Variants in THPO observed in about 807,000 individuals in gnomAD.
THPO encodes the protein MPL ligand.
In THPO, 12 loss-of-function variants were observed where a neutral mutation model predicts 17.0. The observed-to-expected ratio is 0.71, with a 90% CI of 0.45 to 1.14. The LOEUF is 1.14. Ranked by LOEUF, THPO falls within the 50% of genes most tolerant of loss-of-function variation. The pLI is 0.00. For missense variants in THPO, 365 were observed against 427.5 expected (o/e 0.85, Z 1.29); for synonymous variants, 188 against 183.0 (o/e 1.03, Z -0.22).
Position 184,373,452 on chromosome 3 carries a change from A to G in THPO, c.359T>C (p.Leu120Pro). Residue 120 changes from leucine (L) to proline (P), a missense_variant, in exon 5 of 6, where the codon CTC (leucine) becomes CCC (proline). Transcript: ENST00000647395. The part of the protein sequence containing the change: ...LLGQLSGQVR[L>P]LLGALQSLLG... ...GAGGCTCTGCAGGGCCCCAAGGAGGAGACGGACCTGTCCAGAAAGCTGCCC... is the reference window on the plus strand; with the variant it reads ...GAGGCTCTGCAGGGCCCCAAGGAGGGGACGGACCTGTCCAGAAAGCTGCCC... 3 of 1,614,048 alleles carry G rather than the reference A, an allele frequency of 1.9e-6. No individual in the cohort carries two copies. The highest frequency in any genetic ancestry group is 1.7e-6 in the Non-Finnish European group (2 of 1,180,008).
chr3:184,378,768 G>A (rs181335871), upstream of THPO: 286 of 983,138 alleles, frequency 2.9e-4, 1 homozygote, highest in African/African-American at 4.5e-3. Context: ...TTAGGTGCTC[G>A]TCTGCTGGGG....
rs1413221221 is a variant in THPO, at chr3:184,372,421, T to C, written c.*92A>G. 1 of 1,495,426 alleles carries C rather than the reference T, an allele frequency of 6.7e-7. No individual in the cohort carries two copies. Among genetic ancestry groups the C allele is most frequent in the East Asian group, 2.3e-5 (1 of 44,290 alleles). The allele number at this position is 1,495,426 out of a possible 1,614,324, so 92.6% of individuals were successfully genotyped here. On this transcript the variant is annotated 3_prime_UTR_variant, in exon 6 of 6. Coordinates refer to ENST00000647395, the MANE Select transcript of THPO (RefSeq NM_000460.4). ...CAGGGCTTTGGGTTTCAGGAGAAAG[T>C]AGGAAATCTTGTCCAGTTGTCTCCC...
At chr3:184,378,385 G>A (rs1714623484), upstream of THPO, 1 of 985,566 alleles carries the variant, frequency 1.0e-6, no homozygotes, top group Non-Finnish European at 1.2e-6. Flanking sequence ...GACCTGGAGG[G>A]GGACAGGAGC....
rs199637036 is a variant in THPO at position 184,372,633 on chromosome 3, G to A, written c.942C>T (p.Pro314=). 1.9e-5 allele frequency: 31 copies of A among 1,613,262 alleles called. No individual in the cohort carries two copies. In the East Asian group the frequency reaches 5.4e-4, roughly 28 times the overall value. Residue 314 remains proline (P), a synonymous_variant, in exon 6 of 6, where the codon CCC becomes CCT. Transcript: ENST00000647395. ...YTLFPLPPTL[P]TPVVQLHPLL... ...GGGGGTGGAGCTGGACCACAGGGGT[G>A]GGCAAGGTGGGTGGAAGAGGGAAGA...
chr3:184,372,481 G>A lies in THPO; in HGVS notation c.*32C>T. 3 of 1,613,622 alleles carry A rather than the reference G, an allele frequency of 1.9e-6. No individual in the cohort carries two copies. Among genetic ancestry groups the A allele is most frequent in the South Asian group, 1.1e-5 (1 of 91,018 alleles). On this transcript the variant is annotated 3_prime_UTR_variant, in exon 6 of 6. Transcript: ENST00000647395. ...CTGCAGGGAAGGGAGCTGTACACGAGACAATGCTGATGTCGGCAGTGTCTG... is the reference window on the plus strand; with the variant it reads ...CTGCAGGGAAGGGAGCTGTACACGAAACAATGCTGATGTCGGCAGTGTCTG...
At chr3:184,376,197 C>A in intron 2 of THPO, 50 bp downstream of exon 2, 1 of 1,613,944 alleles carries the variant, frequency 6.2e-7, no homozygotes, top group Non-Finnish European at 8.5e-7. Context: ...TTTCTCTCTC[C>A]CCTTCTGTCA....
Position 184,372,099 on chromosome 3 carries a change from G to A in THPO, c.*414C>T, listed in dbSNP as rs1713940046. The A allele has an allele frequency of 4.6e-6, 1 of 217,138 alleles. No individual in the cohort carries two copies. The highest frequency in any genetic ancestry group is 9.5e-6 in the Non-Finnish European group (1 of 105,166). 13.5% of individuals were successfully genotyped at this position (217,138 alleles called of 1,614,324 possible). A position where few individuals can be genotyped will look rare whatever the true frequency, so the allele number is the denominator to read the frequency against. On this transcript the variant is annotated 3_prime_UTR_variant, in exon 6 of 6. Coordinates refer to ENST00000647395, the MANE Select transcript of THPO (RefSeq NM_000460.4). ...AGTCCCACTGAGAATGATAGTAAAG[G>A]GGATGGGGGCGTTGGAAGGCCTTGA...
chr3:184,378,935 C>A, upstream of THPO: 2 of 908,322 alleles, frequency 2.2e-6, no homozygotes, highest in African/African-American at 1.8e-5. Context: ...TGCTGGACCT[C>A]CCCCGCAAAT....
In THPO at chr3:184,375,871, A is replaced by C. The variant is rs769452550; in HGVS notation, c.141+17T>G. 9.3e-6 allele frequency: 15 copies of C among 1,612,606 alleles called. No individual in the cohort carries two copies. Among genetic ancestry groups the C allele is most frequent in the Non-Finnish European group, 1.3e-5 (15 of 1,179,784 alleles). ...ACCAGTTACGCGGATAAAGGGGATA[A>C]TGTTGGGAGTTCTCACCAGTCTGCT... On this transcript the variant is annotated intron_variant, in intron 3 of 5. Coordinates refer to ENST00000647395, the MANE Select transcript of THPO (RefSeq NM_000460.4).
chr3:184,372,368 C>G lies in THPO; in HGVS notation c.*145G>C, dbSNP rs990391625. On this transcript the variant is annotated 3_prime_UTR_variant, in exon 6 of 6. Coordinates refer to ENST00000647395, the MANE Select transcript of THPO (RefSeq NM_000460.4). Reference sequence around the variant, plus strand: ...TATAATGTACAGTGAAAAATGATTCCCTTTTCAGTCCTGTGTATCCCTTTT... The same window carrying G: ...TATAATGTACAGTGAAAAATGATTCGCTTTTCAGTCCTGTGTATCCCTTTT... 3.1e-6 allele frequency: 3 copies of G among 963,118 alleles called. No individual in the cohort carries two copies. In the Admixed American group the frequency reaches 6.1e-5, roughly 19 times the overall value. 59.7% of individuals were successfully genotyped at this position (963,118 alleles called of 1,614,324 possible).
In THPO at chr3:184,373,048, G is replaced by A; in HGVS notation, c.527C>T (p.Ala176Val). 1 of 1,614,032 alleles carries A rather than the reference G, an allele frequency of 6.2e-7. No individual in the cohort carries two copies. Among genetic ancestry groups the A allele is most frequent in the Non-Finnish European group, 8.5e-7 (1 of 1,180,028 alleles). Residue 176 changes from alanine (A) to valine (V), a missense_variant, in exon 6 of 6, where the codon GCC becomes GTC. Transcript: ENST00000647395. ...GCTGGGGACAGCTGTGGTGGGTGGG[G>A]CCCGCCTGACGCAGAGGGTGGACCC... ...VGGSTLCVRR[A>V]PPTTAVPSRT...
rs1713958673 is a variant in THPO, at chr3:184,372,349, G to A, written c.*164C>T. 1.2e-6 allele frequency: 1 copy of A among 807,944 alleles called. No homozygotes were observed. Among genetic ancestry groups the A allele is most frequent in the South Asian group, 1.6e-5 (1 of 64,158 alleles). The allele number at this position is 807,944 out of a possible 1,614,324, so 50.0% of individuals were successfully genotyped here. A position where few individuals can be genotyped will look rare whatever the true frequency, so the allele number is the denominator to read the frequency against. The stretch of plus-strand genomic sequence containing the variant: ...AAAATAGCTTCTGAAGGTTTATAAT[G>A]TACAGTGAAAAATGATTCCCTTTTC... On this transcript the variant is annotated 3_prime_UTR_variant, in exon 6 of 6. Transcript: ENST00000647395.
At position 184,372,277 on chromosome 3, in the gene THPO, T is replaced by C. The variant is rs1035882107; in HGVS notation, c.*236A>G. On this transcript the variant is annotated 3_prime_UTR_variant, in exon 6 of 6. Transcript: ENST00000647395. Reference sequence around the variant, plus strand: ...GTGAGTTGCAAATTTCTGCAGAAAATAGACCAAAGAGCTAGCTGCTCTGAT... The same window carrying C: ...GTGAGTTGCAAATTTCTGCAGAAAACAGACCAAAGAGCTAGCTGCTCTGAT... The C allele has an allele frequency of 9.4e-6, 5 of 532,228 alleles. No homozygotes were observed. Among genetic ancestry groups the C allele is most frequent in the Non-Finnish European group, 1.7e-5 (5 of 297,326 alleles). 33.0% of individuals were successfully genotyped at this position (532,228 alleles called of 1,614,324 possible).
chr3:184,378,624 A>G (rs1461300579), upstream of THPO, among the ~76,000 whole-genome samples: 1 of 152,180 alleles, frequency 6.6e-6, no homozygotes, highest in Non-Finnish European at 1.5e-5. Context: ...AAGTGGGAAC[A>G]CGGATATTGC....
chr3:184,373,264 T>A, intron 5 of THPO, 86 bp from the exon 6 acceptor site: 1 of 1,571,974 alleles, frequency 6.4e-7, no homozygotes, highest in Non-Finnish European at 8.7e-7. Flanking sequence ...AGGATGCCAG[T>A]ACCCAGGCAT....
chr3:184,373,833 C>G (rs563975927), intron 4 of THPO, among the ~76,000 whole-genome samples: 1 of 152,260 alleles, frequency 6.6e-6, no homozygotes, highest in South Asian at 2.1e-4. Context: ...CTCCTTTTTT[C>G]TTACGTTGCT....
chr3:184,375,866 G>C (rs1368347656), intron 3 of THPO, 22 bp downstream of exon 3: 1 of 1,612,688 alleles, frequency 6.2e-7, no homozygotes, highest in Non-Finnish European at 8.5e-7. Flanking sequence ...CGGATAAAGG[G>C]GATAATGTTG....
At chr3:184,373,218 C>T (rs777167525) in intron 5 of THPO, 40 bp from the exon 6 acceptor site, 1 of 1,606,042 alleles carries the variant, frequency 6.2e-7, no homozygotes, top group African/African-American at 1.3e-5. Flanking sequence ...ACACCAGGGC[C>T]AGATCTCAGG....
chr3:184,372,821 C>T lies in THPO; in HGVS notation c.754G>A (p.Glu252Lys), dbSNP rs780672946. ...AGTCCACGAGTTCCATTCAAGAGTT[C>T]GTGTATCCTGTTCAGGTATCCGGGG... Reference protein sequence around the residue: ...QIPGYLNRIHELLNGTRGLFP... With the variant: ...QIPGYLNRIHKLLNGTRGLFP... Residue 252 changes from glutamate (E) to lysine (K), a missense_variant, in exon 6 of 6, where the codon GAA (glutamate) becomes AAA (lysine). Transcript: ENST00000647395. The T allele has an allele frequency of 1.3e-5, 21 of 1,614,008 alleles. No homozygotes were observed. The highest frequency in any genetic ancestry group is 6.7e-5 in the African/African-American group (5 of 74,884).
Sources: gnomAD v4.1 joint callset for allele counts (sites outside exome capture counted in the v4.1 genomes callset) on GRCh38, gnomAD v4.1.1 for gene constraint, MANE v1.5 for transcripts, NCBI Gene and HGNC (gene_info 2026-07-23, HGNC 2026-07-21) for gene names.